Variants in SYTL3 observed in about 807,000 individuals in gnomAD.
SYTL3 encodes synaptotagmin like 3.
SYTL3 carries 88 observed loss-of-function variants against 82.1 expected under a neutral mutation model. The ratio of observed to expected loss-of-function variants is 1.07; its 90% CI spans 0.90 to 1.28. The LOEUF (loss-of-function observed/expected upper bound fraction) is 1.28, where lower values mean the gene tolerates loss of function less well. Ranked by LOEUF, SYTL3 falls within the 50% of genes most tolerant of loss-of-function variation. The pLI, the probability that SYTL3 is intolerant of heterozygous loss-of-function variation, is 0.00. For missense variants in SYTL3, 831 were observed against 757.6 expected (o/e 1.10, Z -1.14); for synonymous variants, 311 against 289.4 (o/e 1.07, Z -0.76).
chr6:158,665,509 C>G lies in SYTL3; in HGVS notation c.225C>G (p.His75Gln), dbSNP rs775966403. The G allele has an allele frequency of 1.9e-6, 3 of 1,596,820 alleles. No individual in the cohort carries two copies. The highest frequency in any genetic ancestry group is 2.6e-6 in the Non-Finnish European group (3 of 1,172,288). ...RCQQVLGFLL[H>Q]RGAVCRGCSH... ...AGCAGGTGCTGGGGTTCCTGCTGCA[C>G]CGGGGCGCCGTGTGCCGGGGCTGCA... The change falls in exon 5 of 18, where the codon CAC (histidine) becomes CAG (glutamine). Residue 75 changes from histidine (H) to glutamine (Q), a missense_variant. By Grantham distance (24) the His-to-Gln change is conservative. Transcript: ENST00000611299.
chr6:158,716,127 G>A (rs1327288204), intron 9 of SYTL3, among the ~76,000 whole-genome samples: 1 of 152,186 alleles, frequency 6.6e-6, no homozygotes, highest in Non-Finnish European at 1.5e-5. Context: ...CTGCAGCTCT[G>A]TCTATTATCA....
chr6:158,718,769 G>C (rs1354819508), intron 10 of SYTL3, among the ~76,000 whole-genome samples: 6 of 152,138 alleles, frequency 3.9e-5, no homozygotes, highest in African/African-American at 1.5e-4. Flanking sequence ...CTTCGGGTAT[G>C]AGAGAGAGCC....
At chr6:158,719,461 G>A (rs1207494415) in intron 10 of SYTL3, among the ~76,000 whole-genome samples, 1 of 152,234 alleles carries the variant, frequency 6.6e-6, no homozygotes, top group Non-Finnish European at 1.5e-5. Context: ...AGGAACCGCA[G>A]ATGCATTTTT....
chr6:158,683,079 T>C, intron 6 of SYTL3, 90 bp downstream of exon 6: 1 of 941,474 alleles, frequency 1.1e-6, no homozygotes, highest in East Asian at 2.6e-5. Context: ...ATAAGCAACA[T>C]GATGGGTGTA....
Position 158,655,755 on chromosome 6 carries a change from C to T in SYTL3, c.-637+3913C>T, listed in dbSNP as rs548183211. 1.3e-4 allele frequency among the ~76,000 whole-genome samples: 20 copies of T among 152,298 alleles called. No homozygotes were observed. The South Asian group carries it at 4.1e-3, about 32-fold the overall frequency. On this transcript the variant is annotated intron_variant, in intron 2 of 17. Transcript: ENST00000611299. ...CACCGCCGTGAAGTGGGTGCTGCAC[C>T]TGTCTACTTCGTAGATGAGGACATG...
chr6:158,709,034 A>G (rs1782451052), intron 8 of SYTL3, among the ~76,000 whole-genome samples: 1 of 152,176 alleles, frequency 6.6e-6, no homozygotes, highest in Non-Finnish European at 1.5e-5. Context: ...GGAGTTCGAG[A>G]CCAGCCTGGC....
chr6:158,736,330 G>A (rs533119404), intron 11 of SYTL3, among the ~76,000 whole-genome samples: 7 of 152,114 alleles, frequency 4.6e-5, no homozygotes, highest in East Asian at 1.9e-4. Context: ...CAGCCTGGGC[G>A]ACAAAGCGAG....
intron 5 of SYTL3, among the ~76,000 whole-genome samples, chr6:158,681,336 G>A (rs915499293): frequency 6.6e-6 from 1 of 152,134 alleles, no homozygotes; most frequent in Non-Finnish European, 1.5e-5. Context: ...TGCCCTCTGT[G>A]CTGTCATGCA....
chr6:158,740,095 C>G (rs1244532661), intron 11 of SYTL3, among the ~76,000 whole-genome samples: 1 of 143,768 alleles, frequency 7.0e-6, no homozygotes, highest in African/African-American at 2.6e-5. Context: ...CTCCTGGGTT[C>G]AAGCAATTCT....
chr6:158,708,518 G>C, intron 8 of SYTL3, 127 bp downstream of exon 8: 1 of 919,164 alleles, frequency 1.1e-6, no homozygotes, highest in Non-Finnish European at 1.7e-6. Context: ...TGTGCCTGGA[G>C]CGGGTCACAA....
chr6:158,705,815 C>T (rs1176926862), intron 6 of SYTL3, among the ~76,000 whole-genome samples: 1 of 152,090 alleles, frequency 6.6e-6, no homozygotes, highest in East Asian at 1.9e-4. Flanking sequence ...CAGGGGGATC[C>T]AGAGACAGGA....
intron 6 of SYTL3, among the ~76,000 whole-genome samples, chr6:158,684,479 G>T (rs59688922): frequency 7.9e-5 from 12 of 152,028 alleles, no homozygotes; most frequent in African/African-American, 2.4e-4. Flanking sequence ...GGACAAAGGC[G>T]CACACAGGCA....
intron 6 of SYTL3, among the ~76,000 whole-genome samples, chr6:158,703,524 A>G (rs1167677832): frequency 6.6e-6 from 1 of 152,216 alleles, no homozygotes; most frequent in Non-Finnish European, 1.5e-5. Flanking sequence ...GGAAGAAACA[A>G]CTGAGGAATC....
At chr6:158,652,754 C>T (rs868209345) in intron 2 of SYTL3, among the ~76,000 whole-genome samples, 3 of 151,746 alleles carry the variant, frequency 2.0e-5, no homozygotes, top group African/African-American at 7.3e-5. Flanking sequence ...GTTGGCCAGG[C>T]TGGTCTCAAA....
In SYTL3 at chr6:158,752,012, C is replaced by A; in HGVS notation, c.1119C>A (p.Thr373=). 6.3e-7 allele frequency: 1 copy of A among 1,597,024 alleles called. No individual in the cohort carries two copies. Among genetic ancestry groups the A allele is most frequent in the Non-Finnish European group, 8.5e-7 (1 of 1,173,832 alleles). The change falls in exon 13 of 18, where the codon ACC becomes ACA. Residue 373 remains threonine, a synonymous_variant. Transcript: ENST00000611299. ...TCCAAAGGAACACCGTGGACCCGAC[C>A]TTTCAGGAGACCTTGAAGGTACTTG... ...TGVQRNTVDP[T]FQETLKYQVA...
At chr6:158,646,397 C>T (rs7738675), upstream of SYTL3, among the ~76,000 whole-genome samples, 44,826 of 152,038 alleles carry the variant, frequency 0.29, 7,206 homozygotes, top group East Asian at 0.67. Context: ...CTCAAACTCC[C>T]GGGCTTAAGG....
intron 5 of SYTL3, among the ~76,000 whole-genome samples, chr6:158,678,041 C>T (rs1778260657): frequency 6.6e-6 from 1 of 152,130 alleles, no homozygotes; most frequent in Non-Finnish European, 1.5e-5. Context: ...TGGCGTGCAC[C>T]ACCATGTCTG....
rs771335898 is a variant in SYTL3 at position 158,763,289 on chromosome 6, G to A, written c.1518-15G>A. Reference sequence around the variant, plus strand: ...GTGGATGGCAATGATTGCAGGGTTTGTGTTCCCTCTTCAGCTGTCTCACTC... The same window carrying A: ...GTGGATGGCAATGATTGCAGGGTTTATGTTCCCTCTTCAGCTGTCTCACTC... On this transcript the variant is annotated splice_polypyrimidine_tract_variant and intron_variant, in intron 16 of 17. Transcript: ENST00000611299. The A allele has an allele frequency of 1.4e-5, 23 of 1,613,424 alleles. No individual in the cohort carries two copies. The Admixed American group carries it at 3.8e-4, about 27-fold the overall frequency.
chr6:158,650,595 T>C (rs550977218), intron 1 of SYTL3, among the ~76,000 whole-genome samples: 50 of 152,192 alleles, frequency 3.3e-4, no homozygotes, highest in African/African-American at 1.2e-3. Context: ...CTAAATTGCT[T>C]GGTAAGAAAG....
Sources: gnomAD v4.1 joint callset for allele counts (sites outside exome capture counted in the v4.1 genomes callset) on GRCh38, gnomAD v4.1.1 for gene constraint, MANE v1.5 for transcripts, NCBI Gene and HGNC (gene_info 2026-07-23, HGNC 2026-07-21) for gene names.